Variants in CCDC3 observed in about 807,000 individuals in gnomAD.
The protein encoded by CCDC3 is coiled-coil domain containing 3.
A neutral mutation model predicts 21.4 loss-of-function variants in CCDC3; 24 were observed. The ratio of observed to expected loss-of-function variants is 1.12; its 90% CI spans 0.81 to 1.58. The LOEUF (loss-of-function observed/expected upper bound fraction) is 1.58. Ranked by LOEUF, CCDC3 falls within the 40% of genes most tolerant of loss-of-function variation. The pLI, the probability that CCDC3 is intolerant of heterozygous loss-of-function variation, is 0.00. For synonymous variants in CCDC3, 186 were observed against 166.0 expected (o/e 1.12, Z -0.93); for missense variants, 425 against 360.9 (o/e 1.18, Z -1.44).
chr10:13,032,480 G>A (rs139745545), intron 5 of CCDC3, among the ~76,000 whole-genome samples: 1 of 152,160 alleles, frequency 6.6e-6, no homozygotes, highest in African/African-American at 2.4e-5. Flanking sequence ...AGTGTTGGAA[G>A]TTCTGGCCAG....
At chr10:12,920,966 C>CA (rs1834442211) in intron 2 of CCDC3, among the ~76,000 whole-genome samples, 1 of 152,236 alleles carries the variant, frequency 6.6e-6, no homozygotes, top group African/African-American at 2.4e-5. Context: ...GGGCAGGCTT[C>CA]AGCAGCCTTG....
intron 2 of CCDC3, among the ~76,000 whole-genome samples, chr10:12,948,557 G>A (rs1401633449): frequency 1.3e-5 from 2 of 151,778 alleles, no homozygotes; most frequent in East Asian, 1.9e-4. Flanking sequence ...ACTTTTCCTA[G>A]AGTTGAAAAA....
chr10:12,900,680 C>T (rs1173429997), intron 2 of CCDC3, among the ~76,000 whole-genome samples: 1 of 133,446 alleles, frequency 7.5e-6, no homozygotes, highest in Non-Finnish European at 1.6e-5. Flanking sequence ...GACAAAGAGA[C>T]ACTCCATCTC....
At chr10:13,038,339 C>G (rs1261875055) in intron 5 of CCDC3, among the ~76,000 whole-genome samples, 2 of 144,832 alleles carry the variant, frequency 1.4e-5, no homozygotes, top group East Asian at 2.0e-4. Context: ...TGTGCACATC[C>G]TGCACATGTA....
chr10:13,067,299 G>A (rs1328395402), intron 4 of CCDC3, among the ~76,000 whole-genome samples: 1 of 152,206 alleles, frequency 6.6e-6, no homozygotes, highest in African/African-American at 2.4e-5. Flanking sequence ...ATAAGAGTAA[G>A]AGGTATTTTC....
Position 12,898,517 on chromosome 10 carries a change from G to A in CCDC3, c.712C>T (p.Leu238=). ...CTGAGTTTCTGGTTCGCCAGCTCCAGGTGGCGGCCCTTCTTACGCGCCTGC... is the reference window on the plus strand; with the variant it reads ...CTGAGTTTCTGGTTCGCCAGCTCCAAGTGGCGGCCCTTCTTACGCGCCTGC... The part of the protein sequence containing the change: ...LRQARKKGRH[L]ELANQKLSEK... Residue 238 remains leucine (L), a synonymous_variant, in exon 3 of 3, where the codon CTG becomes TTG. Coordinates refer to ENST00000378825, the MANE Select transcript of CCDC3 (RefSeq NM_031455.4). 1.2e-6 allele frequency: 2 copies of A among 1,614,188 alleles called. No individual in the cohort carries two copies. The highest frequency in any genetic ancestry group is 1.3e-5 in the African/African-American group (1 of 75,072).
intron 2 of CCDC3, among the ~76,000 whole-genome samples, chr10:12,988,276 A>G (rs1835627995): frequency 1.3e-5 from 2 of 151,974 alleles, no homozygotes; most frequent in East Asian, 1.9e-4. Context: ...TGATCTTTGT[A>G]TGGCTGGTTC....
At chr10:13,046,777 T>C (rs1477731057) in intron 5 of CCDC3, among the ~76,000 whole-genome samples, 1 of 152,036 alleles carries the variant, frequency 6.6e-6, no homozygotes, top group Admixed American at 6.6e-5. Flanking sequence ...GCAGTATCAA[T>C]TATTACTCAA....
At chr10:13,002,547 C>G (rs904593184), upstream of CCDC3, among the ~76,000 whole-genome samples, 27 of 152,100 alleles carry the variant, frequency 1.8e-4, no homozygotes, top group African/African-American at 6.3e-4. Flanking sequence ...ACTGCCACCC[C>G]GGATAATTTT....
intron 2 of CCDC3, among the ~76,000 whole-genome samples, chr10:12,989,332 C>T (rs915869018): frequency 1.1e-4 from 17 of 152,376 alleles, no homozygotes; most frequent in South Asian, 4.1e-4. Context: ...TGGTCCACCA[C>T]TGACTTAGTC....
At chr10:13,052,880 T>C (rs1031711645) in intron 4 of CCDC3, among the ~76,000 whole-genome samples, 2 of 151,372 alleles carry the variant, frequency 1.3e-5, no homozygotes, top group Non-Finnish European at 2.9e-5. Context: ...AAGCAGAGGT[T>C]GCAGTGAGCT....
chr10:12,912,629 T>C (rs955956336), intron 2 of CCDC3, among the ~76,000 whole-genome samples: 1 of 152,342 alleles, frequency 6.6e-6, no homozygotes, highest in Admixed American at 6.5e-5. Context: ...GTGTTCCCAT[T>C]TGCATCTTTT....
intron 2 of CCDC3, among the ~76,000 whole-genome samples, chr10:12,962,002 T>C (rs1835185010): frequency 6.6e-6 from 1 of 152,150 alleles, no homozygotes; most frequent in Admixed American, 6.5e-5. Flanking sequence ...ACATCACATT[T>C]TATGAGATTG....
chr10:13,041,512 T>A (rs887858802), intron 5 of CCDC3, among the ~76,000 whole-genome samples: 738 of 45,562 alleles, frequency 0.016, 2 homozygotes, highest in South Asian at 0.043. Context: ...TAATTTTTTT[T>A]TTTTTTTTTT....
intron 5 of CCDC3, among the ~76,000 whole-genome samples, chr10:13,028,275 C>A (rs1364334190): frequency 6.6e-6 from 1 of 152,182 alleles, no homozygotes; most frequent in Admixed American, 6.6e-5. Context: ...ACACACACTC[C>A]TGCCTGCCAC....
chr10:12,940,179 A>AAC (rs2131237119), intron 2 of CCDC3, among the ~76,000 whole-genome samples: 1 of 152,218 alleles, frequency 6.6e-6, no homozygotes, highest in Non-Finnish European at 1.5e-5. Context: ...TTACAGAAGC[A>AAC]ACAACCCAAA....
chr10:12,901,600 C>A (rs115939001), intron 2 of CCDC3, among the ~76,000 whole-genome samples: 1 of 152,150 alleles, frequency 6.6e-6, no homozygotes, highest in Non-Finnish European at 1.5e-5. Flanking sequence ...CCAAAGTCTA[C>A]GTCTCAGGGA....
chr10:12,906,769 G>C (rs139690645), intron 2 of CCDC3, among the ~76,000 whole-genome samples: 7 of 152,188 alleles, frequency 4.6e-5, no homozygotes, highest in East Asian at 1.9e-4. Context: ...AGATGATAAG[G>C]GTAAAGCATC....
At chr10:13,074,661 T>C (rs1248834044) in intron 3 of CCDC3, among the ~76,000 whole-genome samples, 2 of 151,496 alleles carry the variant, frequency 1.3e-5, no homozygotes, top group East Asian at 2.0e-4. Context: ...ATCACTTCCA[T>C]CCTTTACTGT....
Sources: allele counts gnomAD v4.1 joint callset (sites outside exome capture counted in the v4.1 genomes callset), GRCh38; gene constraint gnomAD v4.1.1; transcripts MANE v1.5; gene names NCBI Gene and HGNC (gene_info 2026-07-23, HGNC 2026-07-21).